The following ADGRD1 variants were observed in gnomAD, a reference collection of about 807,000 sequenced individuals.
ADGRD1 encodes the protein adhesion G protein-coupled receptor D1, also known as G-protein coupled receptor 133.
Under a neutral mutation model 113.4 loss-of-function variants are expected in ADGRD1, and 77 were observed. The ratio of observed to expected loss-of-function variants is 0.68; its 90% CI spans 0.57 to 0.82. ADGRD1 has a LOEUF of 0.82. Ranked by LOEUF, ADGRD1 falls within the 40% of genes least tolerant of loss-of-function variation. ADGRD1 has a pLI of 0.00. For missense variants in ADGRD1, 1,036 were observed against 1,139.1 expected, an observed-to-expected ratio of 0.91 and a Z score of 1.30; for synonymous variants, 474 against 475.0, an observed-to-expected ratio of 1.00 and a Z score of 0.03.
At chr12:131,110,439 A>G (rs1950324989) in intron 18 of ADGRD1, among the ~76,000 whole-genome samples, 1 of 151,996 alleles carries the variant, frequency 6.6e-6, no homozygotes, top group African/African-American at 2.4e-5. Flanking sequence ...TTCCAAATTT[A>G]TACTAAATTA....
chr12:131,077,046 G>C (rs1885678414), intron 14 of ADGRD1, among the ~76,000 whole-genome samples, 172 bp downstream of exon 14: 1 of 152,206 alleles, frequency 6.6e-6, no homozygotes, highest in African/African-American at 2.4e-5. Context: ...GCAGTGCTGG[G>C]TGGAGGCCTC....
chr12:131,078,518 C>G (rs1032830839), intron 14 of ADGRD1, among the ~76,000 whole-genome samples: 1 of 152,080 alleles, frequency 6.6e-6, no homozygotes, highest in Non-Finnish European at 1.5e-5. Context: ...ATTCCAATTC[C>G]GGGGCACTGT....
rs904301470 is a variant in ADGRD1, at chr12:131,027,857, A to G, written c.1473+13517A>G. On this transcript the variant is annotated intron_variant, in intron 13 of 24. Transcript: ENST00000261654. This position sits in a 1 kb window ranked among gnomAD's most constrained non-coding sequence, Gnocchi z 5.1. ...TTTACAAAGCGAACATACCCAAGAA[A>G]TCACCCCTCAGGTCAAGAAGCAGCA... 1 of 152,218 alleles carries G rather than the reference A, an allele frequency of 6.6e-6. No individual in the cohort carries two copies. Among genetic ancestry groups the G allele is most frequent in the Non-Finnish European group, 1.5e-5 (1 of 68,036 alleles). 9.4% of individuals were successfully genotyped at this position (152,218 alleles called of 1,614,324 possible). A position where few individuals can be genotyped will look rare whatever the true frequency, so the allele number is the denominator to read the frequency against.
At chr12:131,007,583 A>G (rs1018660268) in intron 12 of ADGRD1, among the ~76,000 whole-genome samples, 3 of 152,202 alleles carry the variant, frequency 2.0e-5, no homozygotes, top group African/African-American at 7.2e-5. Flanking sequence ...GTGTCTGCAG[A>G]CAGGACACTG....
intron 13 of ADGRD1, among the ~76,000 whole-genome samples, chr12:131,042,535 G>A (rs554694553): frequency 1.3e-5 from 2 of 152,298 alleles, no homozygotes; most frequent in Non-Finnish European, 2.9e-5. Context: ...ATGTCTATAC[G>A]TCCTCCACTT....
chr12:130,958,278 C>T (rs1487142949), intron 2 of ADGRD1, among the ~76,000 whole-genome samples: 2 of 149,636 alleles, frequency 1.3e-5, no homozygotes, highest in Non-Finnish European at 3.0e-5. Flanking sequence ...CAGCTCCCTG[C>T]AACCTCTGCC....
chr12:131,135,905 G>A, intron 21 of ADGRD1, 132 bp from the exon 22 acceptor site: 1 of 868,012 alleles, frequency 1.2e-6, no homozygotes. Flanking sequence ...CTACCTGCAG[G>A]GAGGACCCCA....
Position 131,060,594 on chromosome 12 carries a change from C to T in ADGRD1, c.1474-16207C>T, listed in dbSNP as rs562153727. 3.3e-5 allele frequency among the ~76,000 whole-genome samples: 5 copies of T among 152,272 alleles called. No homozygotes were observed. The East Asian group carries it at 9.7e-4, about 29-fold the overall frequency. ...CGGACACCAGCAGCCTCTCCAGGGG[C>T]ATCAGCAGCCGTACCACTAAACCAG... On this transcript the variant is annotated intron_variant, in intron 13 of 24. Transcript: ENST00000261654. This position sits in a 1 kb window ranked among gnomAD's most constrained non-coding sequence, Gnocchi z 4.4.
chr12:131,044,855 G>A (rs1377972080), intron 13 of ADGRD1, among the ~76,000 whole-genome samples: 1 of 152,262 alleles, frequency 6.6e-6, no homozygotes, highest in East Asian at 1.9e-4. Flanking sequence ...AAATGAAACC[G>A]AAACCCGAAG....
chr12:131,087,698 G>A (rs543299651), intron 15 of ADGRD1, among the ~76,000 whole-genome samples: 2 of 143,842 alleles, frequency 1.4e-5, no homozygotes, highest in Non-Finnish European at 3.1e-5. Context: ...CAGCTGCCCC[G>A]CCAGCGACTG....
At chr12:131,109,400 T>C (rs1202861086) in intron 18 of ADGRD1, among the ~76,000 whole-genome samples, 2 of 152,228 alleles carry the variant, frequency 1.3e-5, no homozygotes, top group African/African-American at 4.8e-5. Flanking sequence ...GTTATATATT[T>C]CCCTCTACTC....
In ADGRD1 at chr12:131,050,955, G is replaced by T. The variant is rs1348431424; in HGVS notation, c.1474-25846G>T. Among the ~76,000 whole-genome samples, 1 of 152,200 alleles carries T rather than the reference G, an allele frequency of 6.6e-6. No individual in the cohort carries two copies. The highest frequency in any genetic ancestry group is 1.9e-4 in the East Asian group (1 of 5,184). On this transcript the variant is annotated intron_variant, in intron 13 of 24. Transcript: ENST00000261654. The surrounding 1 kb of genome is among the most constrained non-coding windows in gnomAD (Gnocchi z 4.8). Reference sequence around the variant, plus strand: ...TTGCCCACCGCTCTGTGTGCTGTGTGCCCGGTTCCTAACAGGCCACGGGCT... The same window carrying T: ...TTGCCCACCGCTCTGTGTGCTGTGTTCCCGGTTCCTAACAGGCCACGGGCT...
rs1174352884 is a variant in ADGRD1, at chr12:131,108,801, G to T, written c.1965G>T (p.Leu655=). ...SAFAWMLVEG[L]HLYSMVIKVF... ...TCGCATGGATGCTGGTGGAGGGGCT[G>T]CACCTCTACAGCATGGTGATCAAGG... The change falls in exon 18 of 25, where the codon CTG becomes CTT. Residue 655 remains leucine (L), a synonymous_variant. Coordinates refer to ENST00000261654, the MANE Select transcript of ADGRD1 (RefSeq NM_198827.5). 2 of 1,613,988 alleles carry T rather than the reference G, an allele frequency of 1.2e-6. No homozygotes were observed. The highest frequency in any genetic ancestry group is 3.3e-5 in the Admixed American group (2 of 60,002).
intron 20 of ADGRD1, among the ~76,000 whole-genome samples, chr12:131,123,808 A>G (rs1479858823): frequency 6.6e-6 from 1 of 150,408 alleles, no homozygotes; most frequent in African/African-American, 2.4e-5. Context: ...CCTGGGCAAC[A>G]GAGTGAGACT....
At chr12:131,104,780 C>A (rs1460669581) in intron 15 of ADGRD1, 51 bp from the exon 16 acceptor site, 2 of 1,342,922 alleles carry the variant, frequency 1.5e-6, no homozygotes, top group South Asian at 1.3e-5. Context: ...GCTTCAGGCT[C>A]CGATGGGGTG....
chr12:131,000,163 G>A (rs1876171500), intron 8 of ADGRD1, among the ~76,000 whole-genome samples: 1 of 152,232 alleles, frequency 6.6e-6, no homozygotes, highest in South Asian at 2.1e-4. Context: ...GCTGGTCACT[G>A]ACTCGACAGG....
intron 18 of ADGRD1, among the ~76,000 whole-genome samples, chr12:131,114,029 C>G (rs1566121722): frequency 1.3e-5 from 2 of 152,202 alleles, no homozygotes; most frequent in Non-Finnish European, 2.9e-5. Context: ...TCTCCATAAG[C>G]CACAGAAAAG....
At chr12:131,104,774 CA>C in intron 15 of ADGRD1, 56 bp from the exon 16 acceptor site, 1 of 1,273,366 alleles carries the variant, frequency 7.9e-7, no homozygotes, top group East Asian at 2.5e-5. Flanking sequence ...TCTGCAGCTT[CA>C]GGCTCCGATG....
At chr12:131,120,298 T>C (rs1336279101) in intron 19 of ADGRD1, among the ~76,000 whole-genome samples, 2 of 152,106 alleles carry the variant, frequency 1.3e-5, no homozygotes, top group East Asian at 1.9e-4. Context: ...GGAGCTGGCT[T>C]TTTTTTGCCC....
Sources: gnomAD v4.1 joint callset for allele counts (sites outside exome capture counted in the v4.1 genomes callset) on GRCh38, gnomAD v4.1.1 for gene constraint, Gnocchi (gnomAD v3.1) non-coding constraint, MANE v1.5 for transcripts, NCBI Gene and HGNC (gene_info 2026-07-23, HGNC 2026-07-21) for gene names.